Variants in GIT2 observed in about 807,000 individuals in gnomAD.
GIT2 encodes GIT ArfGAP 2.
GIT2 carries 32 observed loss-of-function variants against 100.3 expected under a neutral mutation model. The observed-to-expected ratio is 0.32, with a 90% CI of 0.24 to 0.43. The LOEUF (loss-of-function observed/expected upper bound fraction) is 0.43. Ranked by LOEUF, GIT2 falls within the 20% of genes least tolerant of loss-of-function variation. GIT2 has a pLI of 1.00. For missense variants in GIT2, 737 were observed against 975.1 expected (o/e 0.76, Z 3.25); for synonymous variants, 353 against 364.1 (o/e 0.97, Z 0.35).
rs541494485 is a variant in GIT2 at position 109,996,264 on chromosome 12, G to C, written c.-40C>G. On this transcript the variant is annotated 5_prime_UTR_variant, in exon 1 of 20. Coordinates refer to ENST00000355312, the MANE Select transcript of GIT2 (RefSeq NM_057169.5). ...ACCTGCGGGGAACTAGAGGCCGGGG[G>C]ACAGCAAAGGCGGCGGTGGCGGCGG... 7.0e-7 allele frequency: 1 copy of C among 1,433,970 alleles called. No individual in the cohort carries two copies. The highest frequency in any genetic ancestry group is 9.5e-7 in the Non-Finnish European group (1 of 1,055,846). The allele number at this position is 1,433,970 out of a possible 1,614,324, so 88.8% of individuals were successfully genotyped here. A position where few individuals can be genotyped will look rare whatever the true frequency, so the allele number is the denominator to read the frequency against.
chr12:109,972,225 A>G (rs1025031273), intron 7 of GIT2, among the ~76,000 whole-genome samples: 3 of 152,054 alleles, frequency 2.0e-5, no homozygotes, highest in Admixed American at 2.0e-4. Context: ...TTCCAGTGTG[A>G]TGTAGAAGAG....
chr12:109,999,575 C>T (rs1889831774), upstream of GIT2: 1 of 785,652 alleles, frequency 1.3e-6, no homozygotes, highest in Non-Finnish European at 1.8e-6. This position sits in a 1 kb window ranked among gnomAD's most constrained non-coding sequence, Gnocchi z 4.3. Flanking sequence ...GGCAGCGTAA[C>T]ACGCCCTACG....
At chr12:109,944,395 C>A (rs2136213671) in intron 16 of GIT2, among the ~76,000 whole-genome samples, 1 of 152,310 alleles carries the variant, frequency 6.6e-6, no homozygotes, top group South Asian at 2.1e-4. Context: ...AGAGATGGAG[C>A]CAGAACTGGG....
intron 1 of GIT2, 186 bp from the exon 2 acceptor site, chr12:109,991,946 G>T: frequency 2.0e-6 from 1 of 512,022 alleles, no homozygotes; most frequent in Non-Finnish European, 3.5e-6. Flanking sequence ...TAGGTACAAT[G>T]TTAATTGAGA....
chr12:109,935,711 A>G (rs1406210339), intron 18 of GIT2, among the ~76,000 whole-genome samples: 1 of 152,130 alleles, frequency 6.6e-6, no homozygotes, highest in Non-Finnish European at 1.5e-5. Flanking sequence ...AGAGTTTTAT[A>G]TTTTGTTGTT....
chr12:109,983,230 T>C, intron 6 of GIT2, 143 bp downstream of exon 6: 1 of 757,050 alleles, frequency 1.3e-6, no homozygotes, highest in Non-Finnish European at 2.1e-6. Context: ...TTATATGCAT[T>C]TGAAATGTCT....
chr12:109,983,597 T>C lies in GIT2; in HGVS notation c.492+11A>G, dbSNP rs747638763. 2.6e-5 allele frequency: 41 copies of C among 1,603,132 alleles called. No individual in the cohort carries two copies. Among genetic ancestry groups the C allele is most frequent in the Non-Finnish European group, 3.4e-5 (40 of 1,170,148 alleles). ...TAGTTTCAATATCTGAAGCAATTCA[T>C]GTTTTCTTACAGGATGAAAGAAGTT... On this transcript the variant is annotated intron_variant, in intron 5 of 19. Coordinates refer to ENST00000355312, the MANE Select transcript of GIT2 (RefSeq NM_057169.5).
Position 109,981,332 on chromosome 12 carries a change from T to C in GIT2, c.624-286A>G, listed in dbSNP as rs547315811. 23 of 293,358 alleles carry C rather than the reference T, an allele frequency of 7.8e-5. 1 individual carries two copies. Among genetic ancestry groups the C allele is most frequent in the Middle Eastern group, 1.1e-3 (1 of 886 alleles). 18.2% of individuals were successfully genotyped at this position (293,358 alleles called of 1,614,324 possible). On this transcript the variant is annotated intron_variant, in intron 6 of 19. Transcript: ENST00000355312. ...GGGAAGGATACAGAATGACTTAATT[T>C]AATGAGGTAAAAAAATGAAATTAAT...
chr12:109,944,572 G>A (rs751453068), intron 16 of GIT2, among the ~76,000 whole-genome samples: 2 of 152,194 alleles, frequency 1.3e-5, no homozygotes, highest in Non-Finnish European at 2.9e-5. Context: ...CGCTGTGTAT[G>A]GAGGAGGTGC....
In GIT2 at chr12:109,930,872, A is replaced by C. The variant is rs1039821898; in HGVS notation, c.*2106T>G. The C allele has an allele frequency of 6.6e-6, 1 of 152,236 alleles. No homozygotes were observed. The highest frequency in any genetic ancestry group is 1.5e-5 in the Non-Finnish European group (1 of 68,070). The allele number at this position is 152,236 out of a possible 1,614,324, so 9.4% of individuals were successfully genotyped here. ...TAAAGGAGGGTCAGCTAAGGACATG[A>C]AGCCTGCAGAAAAGGCTATCAGATG... On this transcript the variant is annotated 3_prime_UTR_variant, in exon 20 of 20. Coordinates refer to ENST00000355312, the MANE Select transcript of GIT2 (RefSeq NM_057169.5).
chr12:109,965,622 C>T (rs771140504), intron 8 of GIT2, 45 bp from the exon 9 acceptor site: 2 of 1,185,900 alleles, frequency 1.7e-6, no homozygotes, highest in Admixed American at 3.7e-5. Flanking sequence ...TAAAGCCAGA[C>T]TTGTGAACTC....
At chr12:109,979,340 A>G (rs1249403937) in intron 7 of GIT2, among the ~76,000 whole-genome samples, 4 of 141,264 alleles carry the variant, frequency 2.8e-5, no homozygotes, top group Non-Finnish European at 6.0e-5. Flanking sequence ...CAGTGGCGCA[A>G]TCTTGGCTCA....
At chr12:109,996,057 G>C (rs1004289555) in intron 1 of GIT2, 116 bp downstream of exon 1, 3 of 647,940 alleles carry the variant, frequency 4.6e-6, no homozygotes, top group Non-Finnish European at 7.4e-6. Flanking sequence ...GGCCGCCCAG[G>C]GACCTCTTCG....
chr12:109,960,896 GTT>G (rs1880885728), intron 11 of GIT2, among the ~76,000 whole-genome samples: 1 of 152,160 alleles, frequency 6.6e-6, no homozygotes, highest in South Asian at 2.1e-4. Flanking sequence ...GCAATTTAAA[GTT>G]CTATCTGTTG....
chr12:109,992,140 C>CTTTTTTTTTT (rs35643426), intron 1 of GIT2: 2 of 92,188 alleles, frequency 2.2e-5, no homozygotes, highest in African/African-American at 4.8e-5. Flanking sequence ...CAAGATAATA[C>CTTTTTTTTTT]TTTTTTTTTT....
chr12:109,960,199 T>C (rs543749272), intron 11 of GIT2, among the ~76,000 whole-genome samples: 4 of 152,240 alleles, frequency 2.6e-5, no homozygotes, highest in East Asian at 1.9e-4. Context: ...CACATATGCA[T>C]TGTTCTCACA....
intron 12 of GIT2, among the ~76,000 whole-genome samples, chr12:109,955,955 GTCTCAC>G (rs1303271700): frequency 6.6e-6 from 1 of 150,504 alleles, no homozygotes; most frequent in Non-Finnish European, 1.5e-5. Flanking sequence ...TTGAGATGGA[GTCTCAC>G]TCTGTCATCC....
At chr12:109,955,109 T>C (rs1490577057) in intron 12 of GIT2, among the ~76,000 whole-genome samples, 2 of 152,036 alleles carry the variant, frequency 1.3e-5, no homozygotes, top group Admixed American at 6.6e-5. Context: ...TCAATTCTTG[T>C]TATGCTTGGT....
At position 109,932,755 on chromosome 12, in the gene GIT2, ACAT is replaced by A; in HGVS notation, c.*220_*222del. On this transcript the variant is annotated 3_prime_UTR_variant, in exon 20 of 20. Coordinates refer to ENST00000355312, the MANE Select transcript of GIT2 (RefSeq NM_057169.5). ...CAACAGTTGTTGACAACACAACCGA[ACAT>A]CAGAAACTAAACCAGCAAATAGGCA... 1 of 511,204 alleles carries A rather than the reference ACAT, an allele frequency of 2.0e-6. No homozygotes were observed. Among genetic ancestry groups the A allele is most frequent in the South Asian group, 2.3e-5 (1 of 42,926 alleles). 31.7% of individuals were successfully genotyped at this position (511,204 alleles called of 1,614,324 possible).
Sources: allele counts gnomAD v4.1 joint callset (sites outside exome capture counted in the v4.1 genomes callset), GRCh38; gene constraint gnomAD v4.1.1; non-coding constraint Gnocchi (gnomAD v3.1); transcripts MANE v1.5; gene names NCBI Gene and HGNC (gene_info 2026-07-23, HGNC 2026-07-21).